Variants in SEL1L3 observed in about 807,000 individuals in gnomAD.
SEL1L3 encodes the protein protein sel-1 homolog 3.
In SEL1L3, 76 loss-of-function variants were observed where a neutral mutation model predicts 142.8. That is an observed-to-expected ratio of 0.53 (90% CI 0.44 to 0.64). The LOEUF is 0.64. SEL1L3 is among the 30% of genes least tolerant of loss of function. The pLI, the probability that SEL1L3 is intolerant of heterozygous loss-of-function variation, is 0.00. For synonymous variants in SEL1L3, 504 were observed against 519.6 expected, an observed-to-expected ratio of 0.97 and a Z score of 0.41; for missense variants, 1,262 against 1,381.7, an observed-to-expected ratio of 0.91 and a Z score of 1.37.
intron 1 of SEL1L3, among the ~76,000 whole-genome samples, chr4:25,849,034 G>A (rs1716719252): frequency 6.6e-6 from 1 of 152,162 alleles, no homozygotes; most frequent in African/African-American, 2.4e-5. Context: ...AGCTCCTTGG[G>A]AGGCTGAGGC....
intron 11 of SEL1L3, among the ~76,000 whole-genome samples, chr4:25,796,555 G>A (rs1712767771): frequency 6.6e-6 from 1 of 152,264 alleles, no homozygotes; most frequent in Admixed American, 6.5e-5. Flanking sequence ...CACTTTGGGA[G>A]GCCAAGGTGG....
intron 11 of SEL1L3, among the ~76,000 whole-genome samples, chr4:25,798,189 C>A (rs145015192): frequency 1.5e-3 from 222 of 152,238 alleles, no homozygotes; most frequent in Middle Eastern, 6.8e-3. Flanking sequence ...ACTGCTCAAC[C>A]CTGGCTGCAG....
intron 17 of SEL1L3, among the ~76,000 whole-genome samples, chr4:25,769,189 G>T (rs1046695697): frequency 2.0e-5 from 3 of 152,264 alleles, no homozygotes; most frequent in South Asian, 2.1e-4. Flanking sequence ...GGTTCGGTGA[G>T]GGGGAGTAAG....
intron 9 of SEL1L3, among the ~76,000 whole-genome samples, chr4:25,811,625 C>T (rs183614211): frequency 4.6e-5 from 7 of 152,138 alleles, no homozygotes; most frequent in Non-Finnish European, 5.9e-5. Context: ...TTTGGGCTGC[C>T]GCCATTCAGT....
At chr4:25,846,604 C>T (rs966807768) in intron 2 of SEL1L3, among the ~76,000 whole-genome samples, 4 of 152,000 alleles carry the variant, frequency 2.6e-5, no homozygotes, top group Non-Finnish European at 2.9e-5. Context: ...CAGGATAAAA[C>T]ACTCTGCTTA....
At chr4:25,862,384 C>A (rs62409281) in intron 1 of SEL1L3, among the ~76,000 whole-genome samples, 64,474 of 150,346 alleles carry the variant, frequency 0.43, 14,075 homozygotes, top group South Asian at 0.5. Context: ...CGGGTGGAGT[C>A]GAGGACAAGA....
At chr4:25,831,400 C>G (rs529585915) in intron 5 of SEL1L3, among the ~76,000 whole-genome samples, 82 of 151,786 alleles carry the variant, frequency 5.4e-4, no homozygotes, top group African/African-American at 2.0e-3. Flanking sequence ...CCAGAGAAAT[C>G]TTCTCATGAT....
chr4:25,773,623 A>C (rs1719393159), intron 17 of SEL1L3: 1 of 152,170 alleles, frequency 6.6e-6, no homozygotes, highest in Admixed American at 6.6e-5. Flanking sequence ...TCTGTCATGT[A>C]ACTACGCTCT....
intron 2 of SEL1L3, among the ~76,000 whole-genome samples, chr4:25,845,978 C>A (rs971955087): frequency 6.6e-6 from 1 of 152,166 alleles, no homozygotes; most frequent in East Asian, 1.9e-4. Flanking sequence ...CCTTCCCCCA[C>A]CCCCGCAGAT....
Position 25,814,527 on chromosome 4 carries a change from A to G in SEL1L3, c.1564+3611T>C, listed in dbSNP as rs149837336. ...CAATGAGGATGTTCTAATAAAGTCT[A>G]TTAATCAACAGGACAGGACAGGTCA... is the stretch of plus-strand genomic sequence containing the variant. On this transcript the variant is annotated intron_variant, in intron 9 of 23. Coordinates refer to ENST00000399878, the MANE Select transcript of SEL1L3 (RefSeq NM_015187.5). 1.6e-4 allele frequency among the ~76,000 whole-genome samples: 24 copies of G among 152,342 alleles called. No homozygotes were observed. In the East Asian group the frequency reaches 4.6e-3, roughly 29 times the overall value.
chr4:25,833,032 T>C lies in SEL1L3; in HGVS notation c.1061A>G (p.Glu354Gly). ...AAAAGAGATATCCAGTCGAAACCAC[T>C]CCTTCAAAGGTATGATGAATTTAGT... ...VKTKFIIPLK[E>G]WFRLDISFNG... Residue 354 changes from glutamate (E) to glycine (G), a missense_variant, in exon 5 of 24, where the codon GAG becomes GGG. Coordinates refer to ENST00000399878, the MANE Select transcript of SEL1L3 (RefSeq NM_015187.5). 6.2e-7 allele frequency: 1 copy of C among 1,611,786 alleles called. No individual in the cohort carries two copies. Among genetic ancestry groups the C allele is most frequent in the Non-Finnish European group, 8.5e-7 (1 of 1,177,990 alleles).
chr4:25,731,291 A>T, the SEL1L3 span, among the ~76,000 whole-genome samples: 1 of 152,214 alleles, frequency 6.6e-6, no homozygotes, highest in Non-Finnish European at 1.5e-5. Context: ...ACTATTGTAT[A>T]CAGAGTAAAC....
Position 25,804,632 on chromosome 4 carries a change from G to A in SEL1L3, c.1685C>T (p.Thr562Met), listed in dbSNP as rs376578845. ...ATGGTATCCACAGCAGCTGGAATCC[G>A]TCAGAAAGGGGACGATAGAGCTAAT... ...HQISSIVPFL[T>M]DSSCCGYHKA... Residue 562 changes from threonine to methionine, a missense_variant, in exon 10 of 24, where the codon ACG (threonine) becomes ATG (methionine). Thr to Met is a moderately conservative substitution (Grantham distance 81). Coordinates refer to ENST00000399878, the MANE Select transcript of SEL1L3 (RefSeq NM_015187.5). The A allele has an allele frequency of 1.4e-5, 23 of 1,613,782 alleles. No individual in the cohort carries two copies. Among genetic ancestry groups the A allele is most frequent in the Middle Eastern group, 3.3e-4 (2 of 6,062 alleles).
intron 13 of SEL1L3, among the ~76,000 whole-genome samples, chr4:25,786,183 C>T (rs1711811453): frequency 6.6e-6 from 1 of 152,194 alleles, no homozygotes; most frequent in South Asian, 2.1e-4. Flanking sequence ...TGAACCACAG[C>T]TGCCATCTTG....
At position 25,751,315 on chromosome 4, in the gene SEL1L3, A is replaced by T. The variant is rs138325126; in HGVS notation, c.3260-2751T>A. Among the ~76,000 whole-genome samples the T allele has an allele frequency of 5.4e-3, 819 of 152,280 alleles. 5 individuals are homozygous for T. Among genetic ancestry groups the T allele is most frequent in the African/African-American group, 0.019 (787 of 41,558 alleles). Reference sequence around the variant, plus strand: ...GGAGTCCTTGGGTTGTACCCACAGTACCCTTGGGTGCCCCATCAGCAATCA... The same window carrying T: ...GGAGTCCTTGGGTTGTACCCACAGTTCCCTTGGGTGCCCCATCAGCAATCA... On this transcript the variant is annotated intron_variant, in intron 23 of 23. Coordinates refer to ENST00000399878, the MANE Select transcript of SEL1L3 (RefSeq NM_015187.5).
intron 9 of SEL1L3, among the ~76,000 whole-genome samples, chr4:25,816,584 C>T (rs527763963): frequency 8.5e-5 from 13 of 152,282 alleles, no homozygotes; most frequent in Admixed American, 7.2e-4. Context: ...CAGCTCCACC[C>T]GCTTCTAATT....
the SEL1L3 span, among the ~76,000 whole-genome samples, chr4:25,731,945 G>A: frequency 2.0e-5 from 3 of 152,102 alleles, no homozygotes; most frequent in African/African-American, 4.8e-5. Flanking sequence ...ATGGTGGTGC[G>A]TGTCTGTAAT....
chr4:25,843,321 C>G (rs933730348), intron 2 of SEL1L3, among the ~76,000 whole-genome samples: 3 of 152,114 alleles, frequency 2.0e-5, no homozygotes, highest in African/African-American at 4.8e-5. Context: ...TGGCCACTTG[C>G]AGGCAGTGCC....
chr4:25,739,224 A>AAAC, the SEL1L3 span, among the ~76,000 whole-genome samples: 12 of 151,854 alleles, frequency 7.9e-5, no homozygotes, highest in Non-Finnish European at 1.0e-4. Context: ...AGAAAAACAA[A>AAAC]AACAACAACA....
Sources: allele counts gnomAD v4.1 joint callset (sites outside exome capture counted in the v4.1 genomes callset), GRCh38; gene constraint gnomAD v4.1.1; transcripts MANE v1.5; gene names NCBI Gene and HGNC (gene_info 2026-07-23, HGNC 2026-07-21).